The following WDR27 variants were observed in gnomAD, a reference collection of about 807,000 sequenced individuals.
WDR27 encodes the protein WD repeat-containing protein 27.
WDR27 carries 100 observed loss-of-function variants against 114.4 expected under a neutral mutation model. The observed-to-expected ratio is 0.87, with a 90% confidence interval of 0.74 to 1.03. The LOEUF (loss-of-function observed/expected upper bound fraction) is 1.03. WDR27 is among the 50% of genes least tolerant of loss of function. The pLI, the probability that WDR27 is intolerant of heterozygous loss-of-function variation, is 0.00. For synonymous variants in WDR27, 449 were observed against 423.1 expected (o/e 1.06, Z -0.75); for missense variants, 1,129 against 1,092.9 (o/e 1.03, Z -0.47).
chr6:169,584,808 C>G (rs1562633645), intron 23 of WDR27, among the ~76,000 whole-genome samples: 1 of 152,224 alleles, frequency 6.6e-6, no homozygotes, highest in Non-Finnish European at 1.5e-5. Flanking sequence ...GGATATTAAA[C>G]CCTTATCAGG....
intron 25 of WDR27, among the ~76,000 whole-genome samples, chr6:169,529,894 G>GT (rs1795386385): frequency 6.6e-6 from 1 of 152,092 alleles, no homozygotes; most frequent in Non-Finnish European, 1.5e-5. Context: ...CAATAGCACT[G>GT]TGCCATAACT....
chr6:169,472,271 C>T (rs1786522689), intron 25 of WDR27, among the ~76,000 whole-genome samples: 1 of 152,266 alleles, frequency 6.6e-6, no homozygotes, highest in South Asian at 2.1e-4. Context: ...TACATACATA[C>T]ATAAAATGTC....
chr6:169,599,745 T>TG, intron 23 of WDR27, among the ~76,000 whole-genome samples: 1 of 152,326 alleles, frequency 6.6e-6, no homozygotes, highest in East Asian at 1.9e-4. Flanking sequence ...AAGGGTTTTT[T>TG]GTGTCTCTAT....
chr6:169,460,001 T>G (rs1784728958), intron 25 of WDR27, among the ~76,000 whole-genome samples: 1 of 152,094 alleles, frequency 6.6e-6, no homozygotes, highest in Non-Finnish European at 1.5e-5. Context: ...TAGACAGGAA[T>G]TTGAAGGTGT....
intron 25 of WDR27, among the ~76,000 whole-genome samples, chr6:169,475,939 A>C (rs952188155): frequency 6.6e-6 from 1 of 152,188 alleles, no homozygotes; most frequent in Admixed American, 6.5e-5. Flanking sequence ...ATTTTGATAG[A>C]GATTGCAGTG....
At chr6:169,649,780 G>A (rs974761370) in intron 14 of WDR27, among the ~76,000 whole-genome samples, 2 of 94,000 alleles carry the variant, frequency 2.1e-5, no homozygotes, top group African/African-American at 4.3e-5. Flanking sequence ...ATCCATCCAC[G>A]CACACATCCA....
At chr6:169,489,298 G>A (rs1789402924) in intron 25 of WDR27, among the ~76,000 whole-genome samples, 2 of 152,202 alleles carry the variant, frequency 1.3e-5, no homozygotes, top group African/African-American at 4.8e-5. Flanking sequence ...TTCTTTGACA[G>A]AGGCAGTGAT....
intron 22 of WDR27, among the ~76,000 whole-genome samples, chr6:169,612,515 G>A (rs1266886011): frequency 6.6e-6 from 1 of 151,070 alleles, no homozygotes; most frequent in Non-Finnish European, 1.5e-5. Flanking sequence ...ACGAGGCTGA[G>A]GCAAGACAAT....
At chr6:169,451,117 A>G in the WDR27 span, among the ~76,000 whole-genome samples, 1 of 152,180 alleles carries the variant, frequency 6.6e-6, no homozygotes, top group African/African-American at 2.4e-5. Flanking sequence ...CTCCGCTCAC[A>G]TGAGACAAAC....
At chr6:169,657,662 G>T (rs188153181) in intron 13 of WDR27, 1 of 152,626 alleles carries the variant, frequency 6.6e-6, no homozygotes, top group Non-Finnish European at 1.5e-5. Context: ...ACATAATGAC[G>T]TTTACCATCT....
chr6:169,695,818 T>C (rs1197258115), intron 1 of WDR27, among the ~76,000 whole-genome samples: 1 of 152,124 alleles, frequency 6.6e-6, no homozygotes, highest in African/African-American at 2.4e-5. Context: ...TTAAATACTT[T>C]CCTTAACTAA....
At chr6:169,647,515 G>T in intron 16 of WDR27, 3 of 567,664 alleles carry the variant, frequency 5.3e-6, no homozygotes, top group Non-Finnish European at 9.5e-6. Context: ...ACACAGAACA[G>T]CAAATTCGCT....
chr6:169,679,335 T>A (rs897011184), intron 2 of WDR27, among the ~76,000 whole-genome samples: 1 of 152,242 alleles, frequency 6.6e-6, no homozygotes, highest in Non-Finnish European at 1.5e-5. Context: ...AAAGTTTGAC[T>A]CTTTTCGTCG....
At chr6:169,473,424 A>C (rs1241217255) in intron 25 of WDR27, among the ~76,000 whole-genome samples, 1 of 152,126 alleles carries the variant, frequency 6.6e-6, no homozygotes, top group Non-Finnish European at 1.5e-5. Context: ...AGTTATTTTT[A>C]AAGAGATTTT....
At position 169,625,048 on chromosome 6, in the gene WDR27, C is replaced by T. The variant is rs577802583; in HGVS notation, c.2223+7899G>A. Among the ~76,000 whole-genome samples the T allele has an allele frequency of 7.2e-5, 11 of 152,320 alleles. No individual in the cohort carries two copies. In the East Asian group the frequency reaches 1.4e-3, roughly 19 times the overall value. On this transcript the variant is annotated intron_variant, in intron 21 of 25. Transcript: ENST00000448612. The stretch of plus-strand genomic sequence containing the variant: ...ACTTGGCATCTGGAATAAACACACA[C>T]GTAGCTGCTTCTCTTATGTCACCAC...
the WDR27 span, among the ~76,000 whole-genome samples, chr6:169,430,788 A>T: frequency 1.1e-3 from 170 of 152,300 alleles, no homozygotes; most frequent in Middle Eastern, 0.02. Context: ...TTCTTGTTAG[A>T]ATTGTGAACC....
the WDR27 span, among the ~76,000 whole-genome samples, chr6:169,437,940 GT>G: frequency 6.6e-6 from 1 of 151,974 alleles, no homozygotes; most frequent in East Asian, 1.9e-4. Flanking sequence ...GCGGGTATAT[GT>G]TCAGGTTTGT....
At chr6:169,586,427 G>A (rs2128146429) in intron 23 of WDR27, among the ~76,000 whole-genome samples, 1 of 114,868 alleles carries the variant, frequency 8.7e-6, no homozygotes, top group East Asian at 2.0e-4. Context: ...CCTTTCCATA[G>A]GGTTCCATGT....
At chr6:169,679,717 T>C (rs1021169883) in intron 2 of WDR27, among the ~76,000 whole-genome samples, 2 of 152,246 alleles carry the variant, frequency 1.3e-5, no homozygotes, top group African/African-American at 4.8e-5. Context: ...AAAGCAGACG[T>C]TGGTGTCATG....
Sources: allele counts gnomAD v4.1 joint callset (sites outside exome capture counted in the v4.1 genomes callset), GRCh38; gene constraint gnomAD v4.1.1; transcripts MANE v1.5; gene names NCBI Gene and HGNC (gene_info 2026-07-23, HGNC 2026-07-21).